ADGRG4: variants seen among roughly 807,000 people sequenced by gnomAD.
ADGRG4 encodes G protein-coupled receptor 112.
Under a neutral mutation model 126.2 loss-of-function variants are expected in ADGRG4, and 122 were observed. The observed-to-expected ratio is 0.97, with a 90% CI of 0.83 to 1.12. The LOEUF is 1.12. Ranked by LOEUF, ADGRG4 falls within the 50% of genes most tolerant of loss-of-function variation. The probability of loss-of-function intolerance (pLI) is 0.00; values close to 1 mark genes in which losing one functional copy is unlikely to be tolerated. For synonymous variants in ADGRG4, 943 were observed against 838.7 expected (o/e 1.12, Z -2.15); for missense variants, 2,481 against 2,251.8 (o/e 1.10, Z -2.06).
intron 13 of ADGRG4, among the ~76,000 whole-genome samples, chrX:136,370,685 C>T (rs192630789): frequency 1.7e-4 from 19 of 111,469 alleles, no homozygotes; most frequent in Admixed American, 1.4e-3. Flanking sequence ...AGAGAAAATG[C>T]GATTATCCAT....
intron 10 of ADGRG4, 82 bp from the exon 11 acceptor site, chrX:136,359,210 G>A: frequency 1.3e-6 from 1 of 780,136 alleles, no homozygotes; most frequent in Admixed American, 3.2e-5. Context: ...TAAATCAGCT[G>A]TACAGAATTT....
chrX:136,325,901 G>C (rs768310388), intron 5 of ADGRG4, among the ~76,000 whole-genome samples: 7 of 110,529 alleles, frequency 6.3e-5, no homozygotes, highest in African/African-American at 2.3e-4. Flanking sequence ...AGTAGAGACA[G>C]GGTTTCACCA....
intron 6 of ADGRG4, 68 bp from the exon 7 acceptor site, chrX:136,351,379 C>T (rs2075061694): frequency 1.6e-6 from 1 of 625,375 alleles, no homozygotes; most frequent in Non-Finnish European, 2.4e-6. Context: ...ACACTTTTCA[C>T]CAAATTTACA....
intron 18 of ADGRG4, 73 bp from the exon 19 acceptor site, chrX:136,395,317 G>T (rs2075340821): frequency 1.7e-6 from 1 of 600,624 alleles, no homozygotes; most frequent in Non-Finnish European, 2.8e-6. Flanking sequence ...CGTTTGGATA[G>T]TGAATATAAT....
intron 1 of ADGRG4, among the ~76,000 whole-genome samples, chrX:136,303,090 G>A (rs1343064187): frequency 8.9e-6 from 1 of 111,904 alleles, no homozygotes; most frequent in East Asian, 2.8e-4. Flanking sequence ...GGAGGCCAAG[G>A]TGAGACGGTT....
chrX:136,321,271 A>T (rs1387454586), intron 4 of ADGRG4, among the ~76,000 whole-genome samples: 1 of 112,017 alleles, frequency 8.9e-6, no homozygotes, highest in Non-Finnish European at 1.9e-5. Flanking sequence ...ACTCCCCGGC[A>T]GGTGGATAGT....
rs200928225 is a variant in ADGRG4 at position 136,349,004 on chromosome X, G to C, written c.5298G>C (p.Gln1766His). 3.3e-6 allele frequency: 4 copies of C among 1,205,443 alleles called. No homozygotes were observed. The highest frequency in any genetic ancestry group is 4.5e-6 in the Non-Finnish European group (4 of 891,918). Reference protein sequence around the residue: ...ADSLHTSFNIQVSPSLTSFKS... With the variant: ...ADSLHTSFNIHVSPSLTSFKS... Reference sequence around the variant, plus strand: ...GTCTCCATACTTCCTTCAATATTCAGGTTTCCCCATCTCTGACTAGCTTTA... The same window carrying C: ...GTCTCCATACTTCCTTCAATATTCACGTTTCCCCATCTCTGACTAGCTTTA... Residue 1766 changes from glutamine (Q) to histidine (H), a missense_variant, in exon 6 of 26, where the codon CAG becomes CAC. Coordinates refer to ENST00000394143, the MANE Select transcript of ADGRG4 (RefSeq NM_153834.4).
Position 136,344,685 on chromosome X carries a change from C to T in ADGRG4, c.979C>T (p.Pro327Ser). The T allele has an allele frequency of 8.3e-7, 1 of 1,206,111 alleles. No homozygotes were observed. The highest frequency in any genetic ancestry group is 1.1e-6 in the Non-Finnish European group (1 of 890,537). Residue 327 changes from proline (P) to serine (S), a missense_variant, in exon 6 of 26, where the codon CCT (proline) becomes TCT (serine). Coordinates refer to ENST00000394143, the MANE Select transcript of ADGRG4 (RefSeq NM_153834.4). ...VLSTSSAISL[P>S]TQSISIDNTT... ...ATCAACTTCATCAGCCATCTCTCTGCCTACCCAGAGTATATCCATAGACAA... is the reference window on the plus strand; with the variant it reads ...ATCAACTTCATCAGCCATCTCTCTGTCTACCCAGAGTATATCCATAGACAA...
chrX:136,311,852 A>T (rs892315879), intron 4 of ADGRG4, among the ~76,000 whole-genome samples: 8 of 110,751 alleles, frequency 7.2e-5, no homozygotes, highest in Admixed American at 2.9e-4. Context: ...TTCTTTTTTT[A>T]AAAAATTTTA....
chrX:136,381,860 A>G (rs1043664402), intron 15 of ADGRG4, among the ~76,000 whole-genome samples: 1 of 111,485 alleles, frequency 9.0e-6, no homozygotes, highest in South Asian at 3.8e-4. Context: ...GGAAGCATCT[A>G]GCACAGGAGA....
intron 5 of ADGRG4, among the ~76,000 whole-genome samples, chrX:136,336,333 G>T (rs1237764219): frequency 1.8e-5 from 2 of 111,439 alleles, no homozygotes; most frequent in Non-Finnish European, 3.8e-5. Flanking sequence ...TGCTATTGTT[G>T]AGTGGAGTGC....
intron 23 of ADGRG4, among the ~76,000 whole-genome samples, chrX:136,412,030 C>T (rs2075448798): frequency 1.8e-5 from 2 of 112,795 alleles, no homozygotes; most frequent in African/African-American, 6.4e-5. Context: ...TACCTTACCT[C>T]TCACACTCTA....
At chrX:136,303,327 C>A (rs775555484) in intron 1 of ADGRG4, among the ~76,000 whole-genome samples, 2 of 110,564 alleles carry the variant, frequency 1.8e-5, no homozygotes, top group South Asian at 7.7e-4. Flanking sequence ...GTGGTGGATG[C>A]CTGTGGTCAC....
chrX:136,405,752 A>G lies in ADGRG4; in HGVS notation c.8715A>G (p.Ile2905Met), dbSNP rs1374741255. The change falls in exon 23 of 26, where the codon ATA becomes ATG. Residue 2905 changes from isoleucine to methionine, a missense_variant. Physicochemically the swap from Ile to Met is conservative, Grantham distance 10. Transcript: ENST00000394143. ...YISVVAYFCLIFLMNLSMFCT... is the reference protein window; with the variant it reads ...YISVVAYFCLMFLMNLSMFCT... ...CAGTGGTGGCTTATTTTTGCCTCATATTTCTCATGAATCTCTCCATGTTCT... is the reference window on the plus strand; with the variant it reads ...CAGTGGTGGCTTATTTTTGCCTCATGTTTCTCATGAATCTCTCCATGTTCT... 15 of 1,194,184 alleles carry G rather than the reference A, an allele frequency of 1.3e-5. No individual in the cohort carries two copies. In the Admixed American group the frequency reaches 3.1e-4, roughly 25 times the overall value.
At chrX:136,400,280 A>G (rs1019499415) in intron 21 of ADGRG4, among the ~76,000 whole-genome samples, 164 bp downstream of exon 21, 1 of 111,301 alleles carries the variant, frequency 9.0e-6, no homozygotes, top group Admixed American at 9.6e-5. Context: ...TATAAATTCA[A>G]TTTTTAACCT....
intron 15 of ADGRG4, among the ~76,000 whole-genome samples, chrX:136,380,211 T>C (rs916040974): frequency 9.6e-6 from 1 of 104,011 alleles, no homozygotes; most frequent in African/African-American, 3.5e-5. Context: ...ACATGTAAAA[T>C]CTATTCTTAG....
chrX:136,332,573 G>A (rs1173845029), intron 5 of ADGRG4, among the ~76,000 whole-genome samples: 8 of 110,780 alleles, frequency 7.2e-5, no homozygotes, highest in East Asian at 2.8e-4. Flanking sequence ...TCCCTGAGGA[G>A]TCGCCACACT....
intron 11 of ADGRG4, among the ~76,000 whole-genome samples, chrX:136,360,845 C>A (rs2075123868): frequency 9.0e-6 from 1 of 111,523 alleles, no homozygotes; most frequent in African/African-American, 3.3e-5. Context: ...AAGAAGGGGG[C>A]CATTCCAGAG....
intron 4 of ADGRG4, among the ~76,000 whole-genome samples, chrX:136,315,515 A>G (rs1463181963): frequency 9.0e-6 from 1 of 110,736 alleles, no homozygotes; most frequent in Non-Finnish European, 1.9e-5. Flanking sequence ...CAAAGTATAA[A>G]CACAACTGAT....
Sources: allele counts gnomAD v4.1 joint callset (sites outside exome capture counted in the v4.1 genomes callset), GRCh38; gene constraint gnomAD v4.1.1; transcripts MANE v1.5; gene names NCBI Gene and HGNC (gene_info 2026-07-23, HGNC 2026-07-21).